The following GRK5 variants were observed in gnomAD, a reference collection of about 807,000 sequenced individuals.
The protein encoded by GRK5 is g protein-coupled receptor kinase GRK5.
In GRK5, 40 loss-of-function variants were observed where a neutral mutation model predicts 78.4. That is an observed-to-expected ratio of 0.51 (90% CI 0.40 to 0.66). The LOEUF is 0.66. GRK5 is among the 30% of genes least tolerant of loss of function. The pLI is 0.00. For missense variants in GRK5, 598 were observed against 759.9 expected (o/e 0.79, Z 2.50); for synonymous variants, 289 against 296.8 (o/e 0.97, Z 0.27).
intron 4 of GRK5, among the ~76,000 whole-genome samples, chr10:119,417,436 C>G (rs1217380871): frequency 6.6e-6 from 1 of 152,178 alleles, no homozygotes; most frequent in Non-Finnish European, 1.5e-5. Flanking sequence ...TTTGCTGTAC[C>G]AAGGGGTGCT....
rs1226087618 is a variant in GRK5, at chr10:119,237,123, C to T, written c.52+29154C>T. Reference sequence around the variant, plus strand: ...TGTCACTCAGGTTGGAATGCAGCCGCGCGATCTTGGCTTACTGCAATCTCC... The same window carrying T: ...TGTCACTCAGGTTGGAATGCAGCCGTGCGATCTTGGCTTACTGCAATCTCC... On this transcript the variant is annotated intron_variant, in intron 1 of 15. Coordinates refer to ENST00000392870, the MANE Select transcript of GRK5 (RefSeq NM_005308.3). Among the ~76,000 whole-genome samples the T allele has an allele frequency of 4.7e-5, 7 of 148,512 alleles. No homozygotes were observed. In the East Asian group the frequency reaches 1.2e-3, roughly 25 times the overall value.
intron 4 of GRK5, among the ~76,000 whole-genome samples, chr10:119,421,744 C>T (rs534386205): frequency 1.3e-5 from 2 of 152,232 alleles, no homozygotes; most frequent in African/African-American, 4.8e-5. Flanking sequence ...AGGCTGCCCC[C>T]CAAGAAGCTG....
At chr10:119,273,186 ATG>A in intron 1 of GRK5, among the ~76,000 whole-genome samples, 1 of 152,328 alleles carries the variant, frequency 6.6e-6, no homozygotes, top group South Asian at 2.1e-4. Context: ...AGTAGACAGA[ATG>A]TGGATTTCCA....
chr10:119,451,168 C>T (rs1853277517), intron 13 of GRK5, among the ~76,000 whole-genome samples: 1 of 150,096 alleles, frequency 6.7e-6, no homozygotes, highest in South Asian at 2.1e-4. Flanking sequence ...CATCCCCACA[C>T]CACTGTCGGG....
At chr10:119,235,857 C>A (rs1848916077) in intron 1 of GRK5, among the ~76,000 whole-genome samples, 1 of 152,128 alleles carries the variant, frequency 6.6e-6, no homozygotes, top group South Asian at 2.1e-4. Context: ...ACTTTAGGAG[C>A]ACCTGGATTC....
intron 2 of GRK5, among the ~76,000 whole-genome samples, chr10:119,374,605 T>C (rs1851596079): frequency 1.3e-5 from 2 of 152,210 alleles, no homozygotes; most frequent in South Asian, 4.1e-4. Context: ...TGTTGCTTAT[T>C]GTATGTGCAT....
At chr10:119,257,399 G>A (rs554793247) in intron 1 of GRK5, among the ~76,000 whole-genome samples, 14 of 152,276 alleles carry the variant, frequency 9.2e-5, no homozygotes, top group Admixed American at 3.3e-4. Context: ...TGGCACCATC[G>A]CAGGTGGGAG....
At position 119,452,936 on chromosome 10, in the gene GRK5, C is replaced by A; in HGVS notation, c.1542+128C>A. On this transcript the variant is annotated intron_variant, in intron 14 of 15. Coordinates refer to ENST00000392870, the MANE Select transcript of GRK5 (RefSeq NM_005308.3). The surrounding 1 kb of genome is among the most constrained non-coding windows in gnomAD (Gnocchi z 4.4). The stretch of plus-strand genomic sequence containing the variant: ...ATGGTTTCTGTTTTCTCCATGAAGG[C>A]AGCACACAAAAGCTGTCAGTGGCCA... The A allele has an allele frequency of 2.5e-6, 3 of 1,203,976 alleles. No homozygotes were observed. The highest frequency in any genetic ancestry group is 1.8e-5 in the Admixed American group (1 of 54,514). 74.6% of individuals were successfully genotyped at this position (1,203,976 alleles called of 1,614,324 possible). A position where few individuals can be genotyped will look rare whatever the true frequency, so the allele number is the denominator to read the frequency against.
chr10:119,272,374 C>A (rs1232175826), intron 1 of GRK5, among the ~76,000 whole-genome samples: 1 of 152,072 alleles, frequency 6.6e-6, no homozygotes, highest in Non-Finnish European at 1.5e-5. Flanking sequence ...GTCAGGAGTT[C>A]AAGACCAGAC....
chr10:119,297,428 A>G (rs2133715748), intron 1 of GRK5, among the ~76,000 whole-genome samples: 1 of 152,344 alleles, frequency 6.6e-6, no homozygotes, highest in Admixed American at 6.5e-5. Context: ...TACAGAGGTC[A>G]GATGTCTCTC....
chr10:119,433,302 G>A (rs1039621787), intron 8 of GRK5, among the ~76,000 whole-genome samples: 2 of 152,182 alleles, frequency 1.3e-5, no homozygotes, highest in South Asian at 2.1e-4. Context: ...ACTGCCAGCC[G>A]CTTCAGCAGG....
chr10:119,226,319 T>C (rs1415006994), intron 1 of GRK5, among the ~76,000 whole-genome samples: 1 of 148,020 alleles, frequency 6.8e-6, no homozygotes, highest in Admixed American at 6.7e-5. Context: ...TTTAATTTTT[T>C]TTTTTTTTTT....
At chr10:119,347,434 TC>T (rs1851115646) in intron 2 of GRK5, among the ~76,000 whole-genome samples, 1 of 152,222 alleles carries the variant, frequency 6.6e-6, no homozygotes. Context: ...TTTGTATGTG[TC>T]CGTGCATGTT....
intron 1 of GRK5, among the ~76,000 whole-genome samples, chr10:119,313,187 GATGA>G (rs1850418540): frequency 6.8e-6 from 1 of 147,938 alleles, no homozygotes; most frequent in Non-Finnish European, 1.5e-5. Context: ...TGATGGTGAT[GATGA>G]TGGTGGTGGT....
chr10:119,361,275 G>A (rs1324719598), intron 2 of GRK5, among the ~76,000 whole-genome samples: 3 of 152,160 alleles, frequency 2.0e-5, no homozygotes, highest in African/African-American at 7.2e-5. Flanking sequence ...CGCCTGGTGC[G>A]GGAACATGAG....
chr10:119,240,875 C>G (rs1374641032), intron 1 of GRK5, among the ~76,000 whole-genome samples: 1 of 152,182 alleles, frequency 6.6e-6, no homozygotes, highest in East Asian at 1.9e-4. Context: ...CAGGCTCAAG[C>G]CACTGTGCCC....
intron 2 of GRK5, among the ~76,000 whole-genome samples, chr10:119,369,305 C>T (rs556088217): frequency 2.0e-5 from 3 of 152,270 alleles, no homozygotes; most frequent in Admixed American, 2.0e-4. Context: ...TGCTTTTAGG[C>T]GGAGCACAGG....
chr10:119,393,509 G>C (rs1161877463), intron 3 of GRK5, among the ~76,000 whole-genome samples: 1 of 152,238 alleles, frequency 6.6e-6, no homozygotes, highest in Non-Finnish European at 1.5e-5. Context: ...CAAATCTAGT[G>C]TTCTGGATGG....
In GRK5 at chr10:119,224,389, A is replaced by ATTATTTAT. The variant is rs59961161; in HGVS notation, c.52+16450_52+16457dup. The stretch of plus-strand genomic sequence containing the variant: ...TCACCCACTATTTATTTATTAATTT[A>ATTATTTAT]TTATTTATTTATTTATTTATTTATT... On this transcript the variant is annotated intron_variant, in intron 1 of 15. Coordinates refer to ENST00000392870, the MANE Select transcript of GRK5 (RefSeq NM_005308.3). Among the ~76,000 whole-genome samples the ATTATTTAT allele has an allele frequency of 1.6e-3, 233 of 148,760 alleles. 4 individuals carry two copies. Among genetic ancestry groups the ATTATTTAT allele is most frequent in the East Asian group, 6.5e-3 (33 of 5,040 alleles).
Sources: gnomAD v4.1 joint callset for allele counts (sites outside exome capture counted in the v4.1 genomes callset) on GRCh38, gnomAD v4.1.1 for gene constraint, Gnocchi (gnomAD v3.1) non-coding constraint, MANE v1.5 for transcripts, NCBI Gene and HGNC (gene_info 2026-07-23, HGNC 2026-07-21) for gene names.